The following ERBB4 variants were observed in gnomAD, a reference collection of about 807,000 sequenced individuals.
ERBB4 encodes the protein erb-b2 receptor tyrosine kinase 4.
ERBB4 carries 42 observed loss-of-function variants against 158.0 expected under a neutral mutation model. That is an observed-to-expected ratio of 0.27 (90% CI 0.21 to 0.34). The LOEUF (loss-of-function observed/expected upper bound fraction) is 0.34, where lower values mean the gene tolerates loss of function less well. ERBB4 is among the 10% of genes least tolerant of loss of function. The pLI is 1.00. For synonymous variants in ERBB4, 583 were observed against 558.7 expected, an observed-to-expected ratio of 1.04 and a Z score of -0.61; for missense variants, 1,333 against 1,624.1, an observed-to-expected ratio of 0.82 and a Z score of 3.08.
chr2:212,064,988 G>GGTGTGTGTGT lies in ERBB4; in HGVS notation c.234+59754_234+59763dup, dbSNP rs34396660. Among the ~76,000 whole-genome samples, 12 of 143,388 alleles carry GGTGTGTGTGT rather than the reference G, an allele frequency of 8.4e-5. 1 individual carries two copies. The highest frequency in any genetic ancestry group is 2.3e-4 in the African/African-American group (9 of 38,670). 94.1% of individuals were successfully genotyped at this position (143,388 alleles called of 152,430 possible). ...TCCACCACCATAACAACATCTTTAT[G>GGTGTGTGTGT]GTGTGTGTGTGTGTGTGTGTGTGTG... On this transcript the variant is annotated intron_variant, in intron 2 of 27. Transcript: ENST00000342788.
chr2:212,538,297 G>A (rs1005979664), intron 1 of ERBB4, 152 bp downstream of exon 1: 3 of 729,290 alleles, frequency 4.1e-6, no homozygotes, highest in Admixed American at 4.0e-5. Flanking sequence ...AGTTTCAAAT[G>A]GAAAGAGGGG....
intron 3 of ERBB4, among the ~76,000 whole-genome samples, chr2:211,881,246 C>T (rs548508168): frequency 2.6e-5 from 4 of 152,188 alleles, no homozygotes; most frequent in African/African-American, 9.6e-5. Flanking sequence ...TGGTCAAGAG[C>T]AAAGGTCATG....
At chr2:212,476,102 C>T (rs1391070010) in intron 1 of ERBB4, among the ~76,000 whole-genome samples, 2 of 151,564 alleles carry the variant, frequency 1.3e-5, no homozygotes, top group African/African-American at 4.8e-5. Context: ...TAAATTAAAA[C>T]ATGCCACATC....
At chr2:212,143,384 A>T (rs1213801379) in intron 1 of ERBB4, among the ~76,000 whole-genome samples, 2 of 152,110 alleles carry the variant, frequency 1.3e-5, no homozygotes, top group African/African-American at 4.8e-5. Flanking sequence ...TTTTCCTGTT[A>T]ACTTCTTTGA....
chr2:211,958,876 C>G (rs1173342562), intron 2 of ERBB4, among the ~76,000 whole-genome samples: 1 of 152,026 alleles, frequency 6.6e-6, no homozygotes, highest in Non-Finnish European at 1.5e-5. Flanking sequence ...TTAAAAGGTA[C>G]TTTAAGTATC....
At chr2:212,346,595 CAAT>C (rs3040349) in intron 1 of ERBB4, among the ~76,000 whole-genome samples, 37,434 of 151,030 alleles carry the variant, frequency 0.25, 4,883 homozygotes, top group Non-Finnish European at 0.28. Flanking sequence ...TTTCCTGAAA[CAAT>C]GATTCAAAAC....
In ERBB4 at chr2:212,015,042, ATATATATATATATATATATAT is replaced by A. The variant is rs2076483505; in HGVS notation, c.235-67447_235-67427del. Among the ~76,000 whole-genome samples the A allele has an allele frequency of 6.0e-4, 7 of 11,634 alleles. 1 individual carries two copies. The highest frequency in any genetic ancestry group is 7.3e-4 in the Non-Finnish European group (4 of 5,512). The allele number at this position is 11,634 out of a possible 152,430, so 7.6% of individuals were successfully genotyped here. A position where few individuals can be genotyped will look rare whatever the true frequency, so the allele number is the denominator to read the frequency against. On this transcript the variant is annotated intron_variant, in intron 2 of 27. Coordinates refer to ENST00000342788, the MANE Select transcript of ERBB4 (RefSeq NM_005235.3). The stretch of plus-strand genomic sequence containing the variant: ...CCCGTCTCTACTAAAAAAAAAAAAA[ATATATATATATATATATATAT>A]ATATATATATATATATATATATATA...
chr2:212,331,614 CTCAA>C (rs200729423), intron 1 of ERBB4, among the ~76,000 whole-genome samples: 28 of 141,068 alleles, frequency 2.0e-4, no homozygotes, highest in East Asian at 9.7e-4. Context: ...TATTACCAAA[CTCAA>C]TCAAATTATT....
At chr2:211,652,935 G>C (rs957065758) in intron 16 of ERBB4, among the ~76,000 whole-genome samples, 3 of 151,888 alleles carry the variant, frequency 2.0e-5, no homozygotes, top group Admixed American at 2.0e-4. Flanking sequence ...AGCCCTAATA[G>C]AATAGGAGAC....
At chr2:212,050,972 G>A (rs1198434200) in intron 2 of ERBB4, among the ~76,000 whole-genome samples, 1 of 152,134 alleles carries the variant, frequency 6.6e-6, no homozygotes, top group Non-Finnish European at 1.5e-5. Flanking sequence ...ACCAGGGAAT[G>A]TAAAAGAGCA....
At chr2:211,668,790 T>C (rs1352222688) in intron 14 of ERBB4, among the ~76,000 whole-genome samples, 6 of 152,074 alleles carry the variant, frequency 3.9e-5, no homozygotes, top group Non-Finnish European at 8.8e-5. Flanking sequence ...AGTGCTTAAG[T>C]CTCCAGCCTT....
chr2:212,396,782 A>G (rs2091038028), intron 1 of ERBB4, among the ~76,000 whole-genome samples: 2 of 152,164 alleles, frequency 1.3e-5, no homozygotes, highest in African/African-American at 4.8e-5. Flanking sequence ...ATTTCTTAAA[A>G]GAAGTTCTTT....
chr2:211,470,280 A>T lies in ERBB4; in HGVS notation c.2488-39180T>A, dbSNP rs1040488953. Among the ~76,000 whole-genome samples, 5 of 152,124 alleles carry T rather than the reference A, an allele frequency of 3.3e-5. No homozygotes were observed. The East Asian group carries it at 7.7e-4, about 23-fold the overall frequency. On this transcript the variant is annotated intron_variant, in intron 20 of 27. Coordinates refer to ENST00000342788, the MANE Select transcript of ERBB4 (RefSeq NM_005235.3). ...TTTTTAAGAATATGGCTACATTCTT[A>T]AAAAGAAAAGGACAATGTTAGTGGC...
chr2:211,596,189 G>A (rs2068624730), intron 19 of ERBB4, among the ~76,000 whole-genome samples: 1 of 151,944 alleles, frequency 6.6e-6, no homozygotes, highest in South Asian at 2.1e-4. Flanking sequence ...GGAGAGGAAG[G>A]GATGTTAATG....
intron 3 of ERBB4, among the ~76,000 whole-genome samples, chr2:211,904,519 C>A (rs573668283): frequency 6.6e-6 from 1 of 151,976 alleles, no homozygotes; most frequent in East Asian, 1.9e-4. Flanking sequence ...TACAGTAGAA[C>A]TTATCTCAAA....
chr2:212,351,287 T>A (rs898767695), intron 1 of ERBB4, among the ~76,000 whole-genome samples: 1 of 152,108 alleles, frequency 6.6e-6, no homozygotes, highest in Admixed American at 6.6e-5. Context: ...AAGAGGGGCC[T>A]GAGCAGAAAT....
intron 1 of ERBB4, among the ~76,000 whole-genome samples, chr2:212,354,506 T>C (rs1376700703): frequency 6.6e-6 from 1 of 152,146 alleles, no homozygotes; most frequent in Non-Finnish European, 1.5e-5. Flanking sequence ...GGTGTACACA[T>C]AAAGTCCATG....
intron 19 of ERBB4, among the ~76,000 whole-genome samples, chr2:211,577,067 G>A (rs1275001246): frequency 1.3e-5 from 2 of 152,140 alleles, no homozygotes; most frequent in African/African-American, 4.8e-5. Context: ...GAACTATAAT[G>A]CCTATCTTCT....
chr2:212,094,091 C>T (rs2078857721), intron 2 of ERBB4, among the ~76,000 whole-genome samples: 2 of 151,880 alleles, frequency 1.3e-5, no homozygotes, highest in South Asian at 4.1e-4. Context: ...TCTATCCCCT[C>T]CAAATCTCAT....
Sources: gnomAD v4.1 joint callset for allele counts (sites outside exome capture counted in the v4.1 genomes callset) on GRCh38, gnomAD v4.1.1 for gene constraint, MANE v1.5 for transcripts, NCBI Gene and HGNC (gene_info 2026-07-23, HGNC 2026-07-21) for gene names.